The following PROX1 variants were observed in gnomAD, a reference collection of about 807,000 sequenced individuals.
PROX1 encodes the protein prospero homeobox protein 1.
In PROX1, 7 loss-of-function variants were observed where a neutral mutation model predicts 58.8. That is an observed-to-expected ratio of 0.12 (90% CI 0.07 to 0.22). PROX1 has a LOEUF of 0.22. Among genes scored for constraint, PROX1 ranks in the 10% least tolerant of loss-of-function variants. PROX1 has a pLI of 1.00. For synonymous variants in PROX1, 350 were observed against 358.3 expected (o/e 0.98, Z 0.26); for missense variants, 675 against 927.8 (o/e 0.73, Z 3.54).
chr1:214,019,385 G>A (rs1362325214), intron 4 of PROX1, among the ~76,000 whole-genome samples: 1 of 152,206 alleles, frequency 6.6e-6, no homozygotes, highest in Non-Finnish European at 1.5e-5. Context: ...AAGACAGGGA[G>A]TTTGACTCAC....
At chr1:214,024,529 C>T (rs1190762624) in intron 4 of PROX1, among the ~76,000 whole-genome samples, 1 of 152,198 alleles carries the variant, frequency 6.6e-6, no homozygotes, top group African/African-American at 2.4e-5. Flanking sequence ...ATCTGTATCA[C>T]AAGCGCTTTC....
chr1:214,005,295 A>T, intron 3 of PROX1, 23 bp downstream of exon 3: 3 of 1,557,896 alleles, frequency 1.9e-6, no homozygotes, highest in South Asian at 2.3e-5. Flanking sequence ...TTTATTCTTA[A>T]TTTTTTCATT....
chr1:213,999,842 C>T (rs1389297056), intron 2 of PROX1, among the ~76,000 whole-genome samples: 3 of 152,256 alleles, frequency 2.0e-5, no homozygotes, highest in African/African-American at 7.2e-5. Flanking sequence ...ATTGGAATAT[C>T]GCTGTTGGTG....
chr1:214,018,874 A>G (rs955741217), intron 4 of PROX1, among the ~76,000 whole-genome samples: 1 of 152,190 alleles, frequency 6.6e-6, no homozygotes, highest in South Asian at 2.1e-4. Context: ...AAGTTGACAC[A>G]ACTAATATAG....
upstream of PROX1, chr1:213,986,347 A>T (rs1662824862): frequency 6.6e-6 from 1 of 151,794 alleles, no homozygotes; most frequent in Admixed American, 6.6e-5. Context: ...GACCGACCTA[A>T]TTTTTTTTCT....
Position 213,996,706 on chromosome 1 carries a change from A to C in PROX1, c.171A>C (p.Ser57=), listed in dbSNP as rs757263201. 1 of 1,614,230 alleles carries C rather than the reference A, an allele frequency of 6.2e-7. No individual in the cohort carries two copies. Among genetic ancestry groups the C allele is most frequent in the Admixed American group, 1.7e-5 (1 of 60,018 alleles). ...GTTCTGAGCAGGATGTTGAGTATTC[A>C]GTGGTGCAGCATGCAGATGGGGAAA... ...PQGSEQDVEY[S]VVQHADGEKS... The change falls in exon 2 of 5, where the codon TCA becomes TCC. Residue 57 remains serine, a synonymous_variant. Transcript: ENST00000366958.
Position 214,035,961 on chromosome 1 carries a change from C to A in PROX1, c.*127C>A. 1 of 708,678 alleles carries A rather than the reference C, an allele frequency of 1.4e-6. No individual in the cohort carries two copies. The highest frequency in any genetic ancestry group is 2.1e-6 in the Non-Finnish European group (1 of 480,894). The allele number at this position is 708,678 out of a possible 1,614,324, so 43.9% of individuals were successfully genotyped here. ...AGGCATGGATATGTTATGAAATCAG[C>A]TGGTAATTCCTCCTCATCACGTTTC... On this transcript the variant is annotated 3_prime_UTR_variant, in exon 5 of 5. Coordinates refer to ENST00000366958, the MANE Select transcript of PROX1 (RefSeq NM_001270616.2).
intron 4 of PROX1, 99 bp from the exon 5 acceptor site, chr1:214,035,550 C>A (rs893813219): frequency 8.2e-7 from 1 of 1,222,978 alleles, no homozygotes; most frequent in Non-Finnish European, 1.1e-6. Context: ...GCCATGTAAG[C>A]CCCTTTCTGC....
chr1:214,009,447 A>G (rs79469143), intron 3 of PROX1, among the ~76,000 whole-genome samples: 1 of 152,206 alleles, frequency 6.6e-6, no homozygotes, highest in African/African-American at 2.4e-5. Flanking sequence ...CCCAGTGTGA[A>G]TATCTAGAAA....
At chr1:213,994,633 T>G (rs1000014914) in intron 1 of PROX1, among the ~76,000 whole-genome samples, 5 of 151,336 alleles carry the variant, frequency 3.3e-5, no homozygotes, top group African/African-American at 7.3e-5. Context: ...AGGGTCTCAA[T>G]CATTCTGAAT....
At chr1:214,003,281 T>C (rs1178750774) in intron 2 of PROX1, among the ~76,000 whole-genome samples, 1 of 152,250 alleles carries the variant, frequency 6.6e-6, no homozygotes, top group African/African-American at 2.4e-5. Flanking sequence ...TGTCTTAATG[T>C]AGCCATCTGA....
At position 214,036,395 on chromosome 1, in the gene PROX1, A is replaced by AAAG. The variant is rs1664831387; in HGVS notation, c.*562_*564dup. ...TGACAGATGAGCAGCTCACTTTTCC[A>AAAG]AAGTACCCCAAAAGGCCAAATTAAA... On this transcript the variant is annotated 3_prime_UTR_variant, in exon 5 of 5. Coordinates refer to ENST00000366958, the MANE Select transcript of PROX1 (RefSeq NM_001270616.2). 6.6e-6 allele frequency: 1 copy of AAAG among 152,202 alleles called. No individual in the cohort carries two copies. Among genetic ancestry groups the AAAG allele is most frequent in the African/African-American group, 2.4e-5 (1 of 41,458 alleles). The allele number at this position is 152,202 out of a possible 1,614,324, so 9.4% of individuals were successfully genotyped here.
chr1:214,033,083 C>G (rs1255920111), intron 4 of PROX1, among the ~76,000 whole-genome samples: 1 of 152,138 alleles, frequency 6.6e-6, no homozygotes, highest in African/African-American at 2.4e-5. Flanking sequence ...GCCTGCCCTT[C>G]CCCTGTCCCT....
At chr1:214,032,768 T>G (rs1446821171) in intron 4 of PROX1, among the ~76,000 whole-genome samples, 2 of 152,110 alleles carry the variant, frequency 1.3e-5, no homozygotes, top group African/African-American at 4.8e-5. Flanking sequence ...CACCTTATGA[T>G]GAGGTAATTG....
intron 1 of PROX1, among the ~76,000 whole-genome samples, chr1:213,995,074 G>A (rs1234280259): frequency 6.6e-5 from 10 of 152,002 alleles, no homozygotes; most frequent in Admixed American, 4.6e-4. Flanking sequence ...CAGGTGAACC[G>A]AAAGAGATGG....
chr1:214,024,774 C>A (rs1571837537), intron 4 of PROX1, among the ~76,000 whole-genome samples: 1 of 152,178 alleles, frequency 6.6e-6, no homozygotes, highest in East Asian at 1.9e-4. Flanking sequence ...ATTATCTGTG[C>A]CCCAGCTTCC....
chr1:214,004,162 T>A (rs1232466291), intron 2 of PROX1, among the ~76,000 whole-genome samples: 2 of 152,254 alleles, frequency 1.3e-5, no homozygotes, highest in East Asian at 3.8e-4. Flanking sequence ...GCCATTAATT[T>A]GCTGAGGAAA....
At chr1:214,027,764 G>T (rs927632828) in intron 4 of PROX1, among the ~76,000 whole-genome samples, 17 of 151,860 alleles carry the variant, frequency 1.1e-4, no homozygotes, top group African/African-American at 4.1e-4. Context: ...TTGCAATATG[G>T]CTTTAGCTCA....
Position 213,996,733 on chromosome 1 carries a change from G to C in PROX1, c.198G>C (p.Lys66Asn). 1 of 1,614,212 alleles carries C rather than the reference G, an allele frequency of 6.2e-7. No homozygotes were observed. The highest frequency in any genetic ancestry group is 8.5e-7 in the Non-Finnish European group (1 of 1,180,046). Residue 66 changes from lysine (K) to asparagine (N), a missense_variant, in exon 2 of 5, where the codon AAG (lysine) becomes AAC (asparagine). Lys to Asn is a moderately conservative substitution (Grantham distance 94, BLOSUM62 0). Transcript: ENST00000366958. Reference sequence around the variant, plus strand: ...TGGTGCAGCATGCAGATGGGGAAAAGTCAAATGTACTCCGCAAGCTGCTGA... The same window carrying C: ...TGGTGCAGCATGCAGATGGGGAAAACTCAAATGTACTCCGCAAGCTGCTGA... ...YSVVQHADGE[K>N]SNVLRKLLKR...
Sources: allele counts gnomAD v4.1 joint callset (sites outside exome capture counted in the v4.1 genomes callset), GRCh38; gene constraint gnomAD v4.1.1; transcripts MANE v1.5; gene names NCBI Gene and HGNC (gene_info 2026-07-23, HGNC 2026-07-21).